Variants in PDE1A observed in about 807,000 individuals in gnomAD.
The protein encoded by PDE1A is dual specificity calcium/calmodulin-dependent 3',5'-cyclic nucleotide phosphodiesterase 1A.
A neutral mutation model predicts 61.7 loss-of-function variants in PDE1A; 35 were observed. That is an observed-to-expected ratio of 0.57 (90% CI 0.43 to 0.75). The LOEUF (loss-of-function observed/expected upper bound fraction) is 0.75. Ranked by LOEUF, PDE1A falls within the 30% of genes least tolerant of loss-of-function variation. The pLI, the probability that PDE1A is intolerant of heterozygous loss-of-function variation, is 0.00. For synonymous variants in PDE1A, 232 were observed against 213.2 expected (o/e 1.09, Z -0.77); for missense variants, 597 against 630.6 (o/e 0.95, Z 0.57).
chr2:182,558,178 AT>A, the PDE1A span, among the ~76,000 whole-genome samples: 447 of 152,006 alleles, frequency 2.9e-3, 3 homozygotes, highest in African/African-American at 0.01. Flanking sequence ...CTGTTATTTC[AT>A]TCTCACTGGA....
chr2:182,333,649 C>T (rs532277741), intron 1 of PDE1A, among the ~76,000 whole-genome samples: 2 of 152,148 alleles, frequency 1.3e-5, no homozygotes, highest in South Asian at 2.1e-4. Flanking sequence ...AATCAACATC[C>T]TAACATCACA....
At chr2:182,301,257 C>T (rs1695223008) in intron 1 of PDE1A, among the ~76,000 whole-genome samples, 1 of 152,124 alleles carries the variant, frequency 6.6e-6, no homozygotes, top group African/African-American at 2.4e-5. Flanking sequence ...GGATTTGTTT[C>T]TTAAAGGCAC....
intron 1 of PDE1A, among the ~76,000 whole-genome samples, chr2:182,290,770 A>G (rs896160130): frequency 2.0e-5 from 3 of 151,844 alleles, no homozygotes; most frequent in African/African-American, 4.8e-5. Flanking sequence ...ATTTTACTCT[A>G]CATGCCACTG....
At chr2:182,267,617 A>G (rs1692729577) in intron 1 of PDE1A, among the ~76,000 whole-genome samples, 2 of 152,148 alleles carry the variant, frequency 1.3e-5, no homozygotes, top group African/African-American at 2.4e-5. Context: ...TTGTAAAAAT[A>G]TTATTTACAA....
the PDE1A span, among the ~76,000 whole-genome samples, chr2:182,669,746 C>A: frequency 2.0e-5 from 3 of 152,228 alleles, no homozygotes; most frequent in African/African-American, 7.2e-5. Context: ...TCCTTTGAAT[C>A]CACCTTTTAC....
chr2:182,675,130 C>A, the PDE1A span, among the ~76,000 whole-genome samples: 1 of 151,928 alleles, frequency 6.6e-6, no homozygotes, highest in Non-Finnish European at 1.5e-5. Context: ...CAAGTAGGAC[C>A]CAATGTTTGT....
chr2:182,705,437 T>C, the PDE1A span, among the ~76,000 whole-genome samples: 4 of 152,340 alleles, frequency 2.6e-5, no homozygotes, highest in East Asian at 7.7e-4. Context: ...AAGCCATTGA[T>C]GAAAACATTT....
the PDE1A span, among the ~76,000 whole-genome samples, chr2:182,589,888 T>A: frequency 1.3e-4 from 20 of 152,340 alleles, no homozygotes; most frequent in African/African-American, 4.8e-4. Flanking sequence ...TAGGATAACA[T>A]ATACTTACTA....
intron 2 of PDE1A, among the ~76,000 whole-genome samples, chr2:182,461,220 CTAAAG>C (rs1460360821): frequency 1.3e-5 from 2 of 152,068 alleles, no homozygotes; most frequent in African/African-American, 2.4e-5. Flanking sequence ...ATACGAAAAA[CTAAAG>C]TAAAGTTCAA....
At chr2:182,634,100 A>T in the PDE1A span, among the ~76,000 whole-genome samples, 2 of 146,524 alleles carry the variant, frequency 1.4e-5, no homozygotes, top group African/African-American at 5.0e-5. Context: ...AAAAAACAAG[A>T]AAAAAAAAAA....
chr2:182,486,202 C>T (rs2125862673), intron 2 of PDE1A, among the ~76,000 whole-genome samples: 1 of 151,714 alleles, frequency 6.6e-6, no homozygotes, highest in African/African-American at 2.4e-5. Context: ...AAATTCTATT[C>T]AAAAATCATC....
chr2:182,648,129 C>T, the PDE1A span, among the ~76,000 whole-genome samples: 2 of 152,112 alleles, frequency 1.3e-5, no homozygotes, highest in African/African-American at 4.8e-5. Flanking sequence ...GAGAAGAAAC[C>T]TGGTAACCTG....
chr2:182,571,097 T>G, the PDE1A span, among the ~76,000 whole-genome samples: 1 of 152,168 alleles, frequency 6.6e-6, no homozygotes, highest in Non-Finnish European at 1.5e-5. Flanking sequence ...ATATGAAGAT[T>G]AGAAAGCTGA....
At chr2:182,518,345 T>G (rs1303328775) in intron 2 of PDE1A, among the ~76,000 whole-genome samples, 1 of 152,216 alleles carries the variant, frequency 6.6e-6, no homozygotes, top group Admixed American at 6.5e-5. Flanking sequence ...TAACAGTTGC[T>G]TAGAATTAAA....
At chr2:182,424,067 C>A (rs551432965) in intron 1 of PDE1A, among the ~76,000 whole-genome samples, 1 of 151,704 alleles carries the variant, frequency 6.6e-6, no homozygotes, top group South Asian at 2.1e-4. Context: ...GCCTCAGCCT[C>A]CCAAGTAGCT....
At chr2:182,330,425 G>A (rs1270860421) in intron 1 of PDE1A, among the ~76,000 whole-genome samples, 1 of 151,820 alleles carries the variant, frequency 6.6e-6, no homozygotes, top group African/African-American at 2.4e-5. Context: ...TTTCAGAAGG[G>A]TTATAAGCCT....
chr2:182,516,834 G>GGAGA (rs1690223007), intron 2 of PDE1A, among the ~76,000 whole-genome samples: 1 of 43,808 alleles, frequency 2.3e-5, no homozygotes, highest in Non-Finnish European at 5.9e-5. Flanking sequence ...AGGAAGGAAG[G>GGAGA]GAGGGAGGGA....
intron 1 of PDE1A, among the ~76,000 whole-genome samples, chr2:182,303,081 G>A (rs1007296209): frequency 6.6e-6 from 1 of 152,064 alleles, no homozygotes; most frequent in Non-Finnish European, 1.5e-5. Context: ...TATCCTTGAG[G>A]GTTGGAATCA....
chr2:182,393,120 C>A (rs1017225392), intron 1 of PDE1A, among the ~76,000 whole-genome samples: 8 of 152,238 alleles, frequency 5.3e-5, no homozygotes, highest in Non-Finnish European at 1.2e-4. Flanking sequence ...AAGGACTCTG[C>A]CCCTGCAGCA....
Sources: gnomAD v4.1 joint callset for allele counts (sites outside exome capture counted in the v4.1 genomes callset) on GRCh38, gnomAD v4.1.1 for gene constraint, MANE v1.5 for transcripts, NCBI Gene and HGNC (gene_info 2026-07-23, HGNC 2026-07-21) for gene names.